CC2D2B: variants seen among roughly 807,000 people sequenced by gnomAD.
CC2D2B encodes coiled-coil and C2 domain containing 2B.
A neutral mutation model predicts 161.2 loss-of-function variants in CC2D2B; 128 were observed. The ratio of observed to expected loss-of-function variants is 0.79; its 90% CI spans 0.69 to 0.92. The LOEUF (loss-of-function observed/expected upper bound fraction) is 0.92, where lower values mean the gene tolerates loss of function less well. Among genes scored for constraint, CC2D2B ranks in the 40% least tolerant of loss-of-function variants. The probability of loss-of-function intolerance (pLI) is 0.00; values close to 1 mark genes in which losing one functional copy is unlikely to be tolerated. For missense variants in CC2D2B, 1,173 were observed against 1,375.1 expected, an observed-to-expected ratio of 0.85 and a Z score of 2.32; for synonymous variants, 391 against 449.8, an observed-to-expected ratio of 0.87 and a Z score of 1.65.
At chr10:95,963,005 G>T (rs1436917722) in intron 12 of CC2D2B, among the ~76,000 whole-genome samples, 1 of 151,982 alleles carries the variant, frequency 6.6e-6, no homozygotes, top group African/African-American at 2.4e-5. Flanking sequence ...ACTAACTCTT[G>T]TTGCCACTAT....
chr10:95,973,302 T>C (rs796154254), intron 16 of CC2D2B, among the ~76,000 whole-genome samples: 2 of 152,220 alleles, frequency 1.3e-5, no homozygotes, highest in African/African-American at 4.8e-5. Context: ...TTAAGAAGTA[T>C]TGTTAAACTC....
intron 11 of CC2D2B, among the ~76,000 whole-genome samples, chr10:95,957,277 A>G (rs927115103): frequency 1.3e-5 from 2 of 152,136 alleles, no homozygotes; most frequent in Admixed American, 1.3e-4. Context: ...TTATTGTTGT[A>G]CTTTTCCCCA....
chr10:95,996,391 A>T, intron 24 of CC2D2B, 139 bp downstream of exon 24: 1 of 535,172 alleles, frequency 1.9e-6, no homozygotes, highest in Non-Finnish European at 3.4e-6. Flanking sequence ...ATGCACATAA[A>T]CTAATACATA....
intron 30 of CC2D2B, among the ~76,000 whole-genome samples, chr10:96,016,969 T>C (rs970512370): frequency 1.3e-5 from 2 of 152,130 alleles, no homozygotes; most frequent in Admixed American, 6.5e-5. Flanking sequence ...CCACCCGCCT[T>C]GGTCTCCCAA....
At chr10:95,980,876 A>T (rs533619790) in intron 17 of CC2D2B, among the ~76,000 whole-genome samples, 1 of 152,312 alleles carries the variant, frequency 6.6e-6, no homozygotes, top group East Asian at 1.9e-4. Flanking sequence ...GGACTACTTT[A>T]TAGAAAGGAT....
chr10:96,025,192 A>AAAAATAT lies in CC2D2B; in HGVS notation c.3947+282_3947+283insAAATATA, dbSNP rs1284499689. On this transcript the variant is annotated intron_variant, in intron 33 of 34. Coordinates refer to ENST00000646931, the MANE Select transcript of CC2D2B (RefSeq NM_001349008.3). ...ATATATATATATATATATAAAAAAA[A>AAAAATAT]ATATATATATATATATATATATATA... Among the ~76,000 whole-genome samples, 19 of 49,204 alleles carry AAAAATAT rather than the reference A, an allele frequency of 3.9e-4. 1 individual carries two copies. Among genetic ancestry groups the AAAAATAT allele is most frequent in the African/African-American group, 1.5e-3 (18 of 12,104 alleles). 32.3% of individuals were successfully genotyped at this position (49,204 alleles called of 152,430 possible).
chr10:95,944,045 T>C lies in CC2D2B; in HGVS notation c.801+5120T>C, dbSNP rs548812271. Among the ~76,000 whole-genome samples, 33 of 152,294 alleles carry C rather than the reference T, an allele frequency of 2.2e-4. 1 individual carries two copies. The East Asian group carries it at 6.0e-3, about 28-fold the overall frequency. ...AGCAGGGCAGGGTTTTTGTTTTGTTTTATTGGCTTGTTTTATAATTTATTG... is the reference window on the plus strand; with the variant it reads ...AGCAGGGCAGGGTTTTTGTTTTGTTCTATTGGCTTGTTTTATAATTTATTG... On this transcript the variant is annotated intron_variant, in intron 9 of 34. Transcript: ENST00000646931.
intron 10 of CC2D2B, among the ~76,000 whole-genome samples, chr10:95,953,620 A>G (rs1447089898): frequency 6.6e-6 from 1 of 152,178 alleles, no homozygotes; most frequent in African/African-American, 2.4e-5. Context: ...ATCAATTAGC[A>G]TATTTTTGGT....
At chr10:96,012,844 T>C (rs1288613053) in intron 28 of CC2D2B, 115 bp downstream of exon 28, 21 of 667,866 alleles carry the variant, frequency 3.1e-5, no homozygotes, top group Non-Finnish European at 5.2e-6. Flanking sequence ...CCTCAAAATA[T>C]TTGTACTGTT....
At chr10:96,005,904 G>T (rs1254288083) in intron 25 of CC2D2B, among the ~76,000 whole-genome samples, 1 of 152,030 alleles carries the variant, frequency 6.6e-6, no homozygotes, top group African/African-American at 2.4e-5. Context: ...TTATTTTCAA[G>T]ATTTTAAAAT....
intron 24 of CC2D2B, among the ~76,000 whole-genome samples, chr10:95,997,373 G>A (rs1180165407): frequency 6.6e-6 from 1 of 151,924 alleles, no homozygotes; most frequent in Non-Finnish European, 1.5e-5. Context: ...ACCTTTTTAT[G>A]CATTCAAATC....
At chr10:95,932,482 C>G (rs1281700011) in intron 6 of CC2D2B, among the ~76,000 whole-genome samples, 1 of 152,100 alleles carries the variant, frequency 6.6e-6, no homozygotes, top group Non-Finnish European at 1.5e-5. Context: ...TGTCAATGGT[C>G]TTTATAATTT....
At chr10:95,979,385 T>C (rs2077431867) in intron 17 of CC2D2B, among the ~76,000 whole-genome samples, 1 of 152,188 alleles carries the variant, frequency 6.6e-6, no homozygotes, top group African/African-American at 2.4e-5. Flanking sequence ...AGTTCCTCAT[T>C]ATGGGGCAGT....
intron 5 of CC2D2B, 148 bp downstream of exon 5, chr10:95,924,992 T>C (rs2098535851): frequency 5.8e-6 from 3 of 514,536 alleles, no homozygotes; most frequent in Admixed American, 6.7e-5. Context: ...CAGTTTAGTT[T>C]TTATCACCCA....
chr10:95,932,977 TCCAA>T (rs200696535), intron 6 of CC2D2B, among the ~76,000 whole-genome samples: 5,491 of 152,300 alleles, frequency 0.036, 128 homozygotes, highest in South Asian at 0.079. Context: ...AAGAGTGTTT[TCCAA>T]CTCAGTTCCA....
intron 9 of CC2D2B, among the ~76,000 whole-genome samples, chr10:95,943,631 T>G (rs1432084035): frequency 1.3e-5 from 2 of 152,206 alleles, no homozygotes; most frequent in Admixed American, 1.3e-4. Flanking sequence ...ATATATTTAG[T>G]CTTTTCATGG....
intron 33 of CC2D2B, among the ~76,000 whole-genome samples, chr10:96,025,363 CA>C (rs35860002): frequency 0.095 from 4,991 of 52,502 alleles, 63 homozygotes; most frequent in South Asian, 0.18. Flanking sequence ...TGAGGCCTTG[CA>C]AAAAAAAAAA....
At chr10:95,972,852 CAT>C (rs1156826450) in intron 16 of CC2D2B, among the ~76,000 whole-genome samples, 3 of 151,400 alleles carry the variant, frequency 2.0e-5, no homozygotes, top group Non-Finnish European at 4.4e-5. Flanking sequence ...TGCTCGCAGA[CAT>C]ATGGGTTTGT....
chr10:95,982,222 G>A (rs547326311), intron 18 of CC2D2B, 109 bp downstream of exon 18: 19 of 740,670 alleles, frequency 2.6e-5, no homozygotes, highest in Middle Eastern at 4.5e-4. Context: ...AGGCTCTTGG[G>A]GTTATGTAAA....
Sources: gnomAD v4.1 joint callset for allele counts (sites outside exome capture counted in the v4.1 genomes callset) on GRCh38, gnomAD v4.1.1 for gene constraint, MANE v1.5 for transcripts, NCBI Gene and HGNC (gene_info 2026-07-23, HGNC 2026-07-21) for gene names.